Variants in RBP3 observed in about 807,000 individuals in gnomAD.
RBP3 encodes retinol-binding protein 3.
Under a neutral mutation model 64.8 loss-of-function variants are expected in RBP3, and 50 were observed. The ratio of observed to expected loss-of-function variants is 0.77; its 90% CI spans 0.61 to 0.98. The LOEUF is 0.98. RBP3 is among the 50% of genes least tolerant of loss of function. RBP3 has a pLI of 0.00. For missense variants in RBP3, 1,712 were observed against 1,660.5 expected, an observed-to-expected ratio of 1.03 and a Z score of -0.54; for synonymous variants, 828 against 730.2, an observed-to-expected ratio of 1.13 and a Z score of -2.16.
At position 47,349,334 on chromosome 10, in the gene RBP3, A is replaced by G. The variant is rs1555211056; in HGVS notation, c.850A>G (p.Arg284Gly). 1 of 1,612,590 alleles carries G rather than the reference A, an allele frequency of 6.2e-7. No individual in the cohort carries two copies. The highest frequency in any genetic ancestry group is 8.5e-7 in the Non-Finnish European group (1 of 1,179,950). ...SDFFFTVPVSRSLGPLGGGSQ... is the reference protein window; with the variant it reads ...SDFFFTVPVSGSLGPLGGGSQ... ...CTTCTTCTTCACGGTGCCCGTGTCC[A>G]GGTCCCTGGGGCCCCTTGGTGGAGG... The change falls in exon 1 of 4, where the codon AGG becomes GGG. Residue 284 changes from arginine (R) to glycine (G), a missense_variant. Physicochemically the swap from Arg to Gly is moderately radical, Grantham distance 125. Transcript: ENST00000584701.
Position 47,350,454 on chromosome 10 carries a change from T to TG in RBP3, c.1974dup (p.Gln659AlafsTer73), listed in dbSNP as rs1555211385. On this transcript the variant is annotated frameshift_variant, in exon 1 of 4. Coordinates refer to ENST00000584701, the MANE Select transcript of RBP3 (RefSeq NM_002900.3). LOFTEE classifies it high-confidence loss of function. Reference sequence around the variant, plus strand: ...GCCCACTATGCTCGGCCAGAGGTCGTGGGGCAGACCAGTGCCCTCCTGCGG... The same window carrying TG: ...GCCCACTATGCTCGGCCAGAGGTCGTGGGGGCAGACCAGTGCCCTCCTGCGG... 2 of 1,612,296 alleles carry TG rather than the reference T, an allele frequency of 1.2e-6. No individual in the cohort carries two copies. Among genetic ancestry groups the TG allele is most frequent in the African/African-American group, 2.7e-5 (2 of 74,932 alleles).
At chr10:47,354,982 C>T (rs1384388800) in intron 2 of RBP3, among the ~76,000 whole-genome samples, 9 of 152,238 alleles carry the variant, frequency 5.9e-5, no homozygotes, top group South Asian at 2.1e-4. Context: ...CAGAATGCAA[C>T]GGGAAAAACA....
intron 2 of RBP3, 64 bp downstream of exon 2, chr10:47,353,579 T>C: frequency 6.3e-7 from 1 of 1,580,868 alleles, no homozygotes; most frequent in Non-Finnish European, 8.7e-7. Context: ...CAGTCAAAGC[T>C]ATGGGCCACA....
rs782499542 is a variant in RBP3 at position 47,349,090 on chromosome 10, C to T, written c.606C>T (p.Arg202=). The T allele has an allele frequency of 1.1e-5, 18 of 1,613,974 alleles. No individual in the cohort carries two copies. In the East Asian group the frequency reaches 2.0e-4, roughly 18 times the overall value. The change falls in exon 1 of 4, where the codon CGC becomes CGT. Residue 202 remains arginine (R), a synonymous_variant. Transcript: ENST00000584701. The part of the protein sequence containing the change: ...TILHVDTIYN[R]PSNTTTEIWT... The stretch of plus-strand genomic sequence containing the variant: ...TGCACGTGGACACTATCTACAACCG[C>T]CCCTCCAACACCACCACGGAGATCT...
At position 47,357,006 on chromosome 10, in the gene RBP3, G is replaced by A. The variant is rs548384177; in HGVS notation, c.3389-96G>A. ...CAAGGACACAGACCTAAACCCCCGG[G>A]CCTCCTCCATCACTGCAGGCCCAGG... On this transcript the variant is annotated intron_variant, in intron 3 of 3. Transcript: ENST00000584701. 848 of 1,136,998 alleles carry A rather than the reference G, an allele frequency of 7.5e-4. 11 individuals carry two copies. The South Asian group carries it at 0.011, about 15-fold the overall frequency. The allele number at this position is 1,136,998 out of a possible 1,614,324, so 70.4% of individuals were successfully genotyped here.
Position 47,349,312 on chromosome 10 carries a change from C to G in RBP3, c.828C>G (p.Phe276Leu). ...AGCTGAGGATAGGCGAGTCTGACTTCTTCTTCACGGTGCCCGTGTCCAGGT... is the reference window on the plus strand; with the variant it reads ...AGCTGAGGATAGGCGAGTCTGACTTGTTCTTCACGGTGCCCGTGTCCAGGT... ...LRKLRIGESD[F>L]FFTVPVSRSL... Residue 276 changes from phenylalanine (F) to leucine (L), a missense_variant, in exon 1 of 4, where the codon TTC becomes TTG. By Grantham distance (22) the Phe-to-Leu change is conservative. Coordinates refer to ENST00000584701, the MANE Select transcript of RBP3 (RefSeq NM_002900.3). The G allele has an allele frequency of 6.2e-7, 1 of 1,612,816 alleles. No homozygotes were observed. Among genetic ancestry groups the G allele is most frequent in the Non-Finnish European group, 8.5e-7 (1 of 1,179,992 alleles).
In RBP3 at chr10:47,350,573, C is replaced by T. The variant is rs1836952257; in HGVS notation, c.2089C>T (p.His697Tyr). Reference sequence around the variant, plus strand: ...AGACCTCCAGGAGGTGTCTGGGGACCACCGCTTGCTAGTGTTCCACAGCCC... The same window carrying T: ...AGACCTCCAGGAGGTGTCTGGGGACTACCGCTTGCTAGTGTTCCACAGCCC... ...TADLQEVSGDHRLLVFHSPGE... is the reference protein window; with the variant it reads ...TADLQEVSGDYRLLVFHSPGE... Residue 697 changes from histidine (H) to tyrosine (Y), a missense_variant, in exon 1 of 4, where the codon CAC becomes TAC. Physicochemically the swap from His to Tyr is moderately conservative, Grantham distance 83. Transcript: ENST00000584701. 2 of 1,612,992 alleles carry T rather than the reference C, an allele frequency of 1.2e-6. No homozygotes were observed. The highest frequency in any genetic ancestry group is 1.7e-6 in the Non-Finnish European group (2 of 1,180,032).
chr10:47,350,073 G>T lies in RBP3; in HGVS notation c.1589G>T (p.Arg530Leu), dbSNP rs1354470616. 2 of 1,612,782 alleles carry T rather than the reference G, an allele frequency of 1.2e-6. No individual in the cohort carries two copies. Among genetic ancestry groups the T allele is most frequent in the Admixed American group, 1.7e-5 (1 of 59,988 alleles). Reference sequence around the variant, plus strand: ...AGCCACATGGAGCTCCCGGGCCCACGCTACAGCACCCAACGTGGGGTGTAT... The same window carrying T: ...AGCCACATGGAGCTCCCGGGCCCACTCTACAGCACCCAACGTGGGGTGTAT... ...HFSHMELPGPRYSTQRGVYLL... is the reference protein window; with the variant it reads ...HFSHMELPGPLYSTQRGVYLL... Residue 530 changes from arginine (R) to leucine (L), a missense_variant, in exon 1 of 4, where the codon CGC becomes CTC. Arg to Leu is a moderately radical substitution (Grantham distance 102, BLOSUM62 -2). Coordinates refer to ENST00000584701, the MANE Select transcript of RBP3 (RefSeq NM_002900.3).
chr10:47,348,760 G>A lies in RBP3; in HGVS notation c.276G>A (p.Glu92=). 2 of 1,613,598 alleles carry A rather than the reference G, an allele frequency of 1.2e-6. No homozygotes were observed. Among genetic ancestry groups the A allele is most frequent in the Non-Finnish European group, 1.7e-6 (2 of 1,180,020 alleles). Residue 92 remains glutamate (E), a synonymous_variant, in exon 1 of 4, where the codon GAG becomes GAA. Coordinates refer to ENST00000584701, the MANE Select transcript of RBP3 (RefSeq NM_002900.3). ...LNDPRLVISY[E]PSTPEPPPQV... is the part of the protein sequence containing the mutation. ...ATCCTCGCCTGGTCATCTCCTATGA[G>A]CCCAGCACCCCCGAGCCTCCCCCAC...
rs782449660 is a variant in RBP3 at position 47,348,992 on chromosome 10, C to T, written c.508C>T (p.Arg170Trp). ...CACCTCCGCCTTAGTGCTGGATCTC[C>T]GGCACTGCACAGGAGGCCAGGTCTC... is the stretch of plus-strand genomic sequence containing the variant. ...MGTSALVLDL[R>W]HCTGGQVSGI... Residue 170 changes from arginine (R) to tryptophan (W), a missense_variant, in exon 1 of 4, where the codon CGG (arginine) becomes TGG (tryptophan). Transcript: ENST00000584701. 29 of 1,613,898 alleles carry T rather than the reference C, an allele frequency of 1.8e-5. No homozygotes were observed. In the East Asian group the frequency reaches 3.3e-4, roughly 19 times the overall value.
At chr10:47,354,695 G>A (rs1555211871) in intron 2 of RBP3, among the ~76,000 whole-genome samples, 1 of 152,150 alleles carries the variant, frequency 6.6e-6, no homozygotes, top group Non-Finnish European at 1.5e-5. Context: ...CCACCCCTGA[G>A]GTTTGTTTGG....
chr10:47,351,274 A>G lies in RBP3; in HGVS notation c.2790A>G (p.Ile930Met), dbSNP rs1836969057. ...AAGCCCTTTCCATAGCCCAGGACATAGTGGCTCTGCGTGCCAAGGTGCCCA... is the reference window on the plus strand; with the variant it reads ...AAGCCCTTTCCATAGCCCAGGACATGGTGGCTCTGCGTGCCAAGGTGCCCA... ...MSEALSIAQD[I>M]VALRAKVPTV... The change falls in exon 1 of 4, where the codon ATA becomes ATG. Residue 930 changes from isoleucine (I) to methionine (M), a missense_variant. Coordinates refer to ENST00000584701, the MANE Select transcript of RBP3 (RefSeq NM_002900.3). 4.3e-6 allele frequency: 7 copies of G among 1,613,350 alleles called. No homozygotes were observed. In the Admixed American group the frequency reaches 6.7e-5, roughly 15 times the overall value.
At position 47,351,382 on chromosome 10, in the gene RBP3, C is replaced by T. The variant is rs41284960; in HGVS notation, c.2898C>T (p.Ser966=). 33,289 of 1,613,518 alleles carry T rather than the reference C, an allele frequency of 0.021. 422 individuals carry two copies. The highest frequency in any genetic ancestry group is 0.025 in the Non-Finnish European group (29,639 of 1,180,026). Reference sequence around the variant, plus strand: ...GGGCCAAGATGGCCACCAAACTGAGCGGTCTGCAGAGCCGCTACTCCAGGG... The same window carrying T: ...GGGCCAAGATGGCCACCAAACTGAGTGGTCTGCAGAGCCGCTACTCCAGGG... ...ELGAKMATKL[S]GLQSRYSRVT... Residue 966 remains serine (S), a synonymous_variant, in exon 1 of 4, where the codon AGC becomes AGT. Transcript: ENST00000584701.
chr10:47,357,132 T>C lies in RBP3; in HGVS notation c.3419T>C (p.Val1140Ala), dbSNP rs1481868848. 6 of 1,612,638 alleles carry C rather than the reference T, an allele frequency of 3.7e-6. No homozygotes were observed. The highest frequency in any genetic ancestry group is 1.6e-4 in the Middle Eastern group (1 of 6,062). The change falls in exon 4 of 4, where the codon GTC becomes GCC. Residue 1140 changes from valine (V) to alanine (A), a missense_variant. By Grantham distance (64) the Val-to-Ala change is moderately conservative (BLOSUM62 0). Coordinates refer to ENST00000584701, the MANE Select transcript of RBP3 (RefSeq NM_002900.3). The part of the protein sequence containing the change: ...GERYGSKKSM[V>A]ILTSSVTAGT... Reference sequence around the variant, plus strand: ...CGCTATGGCTCCAAGAAGAGCATGGTCATTCTGACCAGCAGTGTGACGGCC... The same window carrying C: ...CGCTATGGCTCCAAGAAGAGCATGGCCATTCTGACCAGCAGTGTGACGGCC...
In RBP3 at chr10:47,357,560, A is replaced by G; in HGVS notation, c.*103A>G. ...CGGCCTGAGGTTCCCAGGAGCAGCA[A>G]AGGGGCCTGCTGAGCTCTGGTTAGG... On this transcript the variant is annotated 3_prime_UTR_variant, in exon 4 of 4. Transcript: ENST00000584701. 1.0e-6 allele frequency: 1 copy of G among 978,368 alleles called. No homozygotes were observed. Among genetic ancestry groups the G allele is most frequent in the Admixed American group, 2.2e-5 (1 of 45,220 alleles). The allele number at this position is 978,368 out of a possible 1,614,324, so 60.6% of individuals were successfully genotyped here. A position where few individuals can be genotyped will look rare whatever the true frequency, so the allele number is the denominator to read the frequency against.
Position 47,350,400 on chromosome 10 carries a change from T to C in RBP3, c.1916T>C (p.Leu639Ser). ...VLEFHQSLGA[L>S]VEGTGHLLEA... is the part of the protein sequence containing the mutation. ...GAGTTCCACCAAAGCCTGGGGGCCT[T>C]GGTGGAGGGCACAGGGCACCTGCTG... is the stretch of plus-strand genomic sequence containing the variant. The change falls in exon 1 of 4, where the codon TTG becomes TCG. Residue 639 changes from leucine to serine, a missense_variant. Leu to Ser is a moderately radical substitution (Grantham distance 145). Coordinates refer to ENST00000584701, the MANE Select transcript of RBP3 (RefSeq NM_002900.3). 1 of 1,612,416 alleles carries C rather than the reference T, an allele frequency of 6.2e-7. No homozygotes were observed. Among genetic ancestry groups the C allele is most frequent in the South Asian group, 1.1e-5 (1 of 91,078 alleles).
rs75452094 is a variant in RBP3 at position 47,349,411 on chromosome 10, C to T, written c.927C>T (p.Ala309=). The T allele has an allele frequency of 5.8e-4, 935 of 1,611,882 alleles. 13 individuals carry two copies. In the East Asian group the frequency reaches 0.013, roughly 22 times the overall value. The stretch of plus-strand genomic sequence containing the variant: ...TGCTGCCCTGTGTGGGGACTCCGGC[C>T]GAGCAGGCCCTGGAGAAAGCCCTGG... ...SGVLPCVGTP[A]EQALEKALAI... The change falls in exon 1 of 4, where the codon GCC becomes GCT. Residue 309 remains alanine, a synonymous_variant. Coordinates refer to ENST00000584701, the MANE Select transcript of RBP3 (RefSeq NM_002900.3).
At chr10:47,356,011 A>G (rs1309073185) in intron 3 of RBP3, among the ~76,000 whole-genome samples, 1 of 152,142 alleles carries the variant, frequency 6.6e-6, no homozygotes, top group African/African-American at 2.4e-5. Context: ...AGCAGTGGCT[A>G]TAGGAGCAAA....
At position 47,349,053 on chromosome 10, in the gene RBP3, G is replaced by A. The variant is rs1555210955; in HGVS notation, c.569G>A (p.Gly190Glu). ...IPYIISYLHP[G>E]NTILHVDTIY... ...TACATCATCTCCTACCTGCACCCAGGGAACACCATCCTGCACGTGGACACT... is the reference window on the plus strand; with the variant it reads ...TACATCATCTCCTACCTGCACCCAGAGAACACCATCCTGCACGTGGACACT... Residue 190 changes from glycine to glutamate, a missense_variant, in exon 1 of 4, where the codon GGG becomes GAG. By Grantham distance (98) the Gly-to-Glu change is moderately conservative. Transcript: ENST00000584701. The A allele has an allele frequency of 2.5e-6, 4 of 1,613,858 alleles. No individual in the cohort carries two copies. The highest frequency in any genetic ancestry group is 3.4e-6 in the Non-Finnish European group (4 of 1,180,016).
Sources: allele counts gnomAD v4.1 joint callset (sites outside exome capture counted in the v4.1 genomes callset), GRCh38; gene constraint gnomAD v4.1.1; transcripts MANE v1.5; gene names NCBI Gene and HGNC (gene_info 2026-07-23, HGNC 2026-07-21).